Variants in ZNF311 observed in about 807,000 individuals in gnomAD.
ZNF311 encodes the protein zinc finger protein 311, also known as zinc finger protein zfp31.
In ZNF311, 14 loss-of-function variants were observed where a neutral mutation model predicts 22.7. The ratio of observed to expected loss-of-function variants is 0.62; its 90% CI spans 0.41 to 0.96. The LOEUF (loss-of-function observed/expected upper bound fraction) is 0.96, where lower values mean the gene tolerates loss of function less well. Ranked by LOEUF, ZNF311 falls within the 40% of genes least tolerant of loss-of-function variation. The probability of loss-of-function intolerance (pLI) is 0.00; values close to 1 mark genes in which losing one functional copy is unlikely to be tolerated. For synonymous variants in ZNF311, 250 were observed against 275.3 expected, an observed-to-expected ratio of 0.91 and a Z score of 0.91; for missense variants, 731 against 799.0, an observed-to-expected ratio of 0.91 and a Z score of 1.03.
At chr6:29,001,812 T>C (rs1283451789) in intron 3 of ZNF311, among the ~76,000 whole-genome samples, 1 of 152,244 alleles carries the variant, frequency 6.6e-6, no homozygotes, top group African/African-American at 2.4e-5. Flanking sequence ...ATTTTTTGAA[T>C]CATTTCAAAG....
Position 28,996,201 on chromosome 6 carries a change from T to C in ZNF311, c.801A>G (p.Gln267=). ...SWHSDLILHE[Q]IHSGEKPHVC... is the part of the protein sequence containing the mutation. ...CATGGGGTTTCTCACCAGAATGAATTTGCTCATGGAGAATTAGATCTGAGT... is the reference window on the plus strand; with the variant it reads ...CATGGGGTTTCTCACCAGAATGAATCTGCTCATGGAGAATTAGATCTGAGT... The change falls in exon 7 of 7, where the codon CAA becomes CAG. Residue 267 remains glutamine, a synonymous_variant. Transcript: ENST00000377179. 6.2e-7 allele frequency: 1 copy of C among 1,613,486 alleles called. No individual in the cohort carries two copies. Among genetic ancestry groups the C allele is most frequent in the Non-Finnish European group, 8.5e-7 (1 of 1,180,042 alleles).
intron 1 of ZNF311, among the ~76,000 whole-genome samples, chr6:29,004,442 C>CTTTTTTTTTTTTTT: frequency 0.014 from 425 of 30,362 alleles, 22 homozygotes; most frequent in Non-Finnish European, 0.018. Flanking sequence ...TTCCTCCTTT[C>CTTTTTTTTTTTTTT]TTTTTTTTTT....
Position 28,998,808 on chromosome 6 carries a change from G to C in ZNF311, c.341C>G (p.Ser114Cys). The change falls in exon 6 of 7, where the codon TCT (serine) becomes TGT (cysteine). Residue 114 changes from serine (S) to cysteine (C), a missense_variant. By Grantham distance (112) the Ser-to-Cys change is moderately radical. Coordinates refer to ENST00000377179, the MANE Select transcript of ZNF311 (RefSeq NM_001382360.1). Reference sequence around the variant, plus strand: ...GGGGTCTACTTCTCGCTCCAGATGAGAGATTAAAGGAGGTTTAGGAAATGG... The same window carrying C: ...GGGGTCTACTTCTCGCTCCAGATGACAGATTAAAGGAGGTTTAGGAAATGG... ...GFPFPKPPLISHLEREVDPCV... is the reference protein window; with the variant it reads ...GFPFPKPPLICHLEREVDPCV... 6.2e-7 allele frequency: 1 copy of C among 1,612,970 alleles called. No homozygotes were observed. The highest frequency in any genetic ancestry group is 8.5e-7 in the Non-Finnish European group (1 of 1,180,004).
chr6:28,995,823 C>T lies in ZNF311; in HGVS notation c.1179G>A (p.Gly393=), dbSNP rs964294520. The part of the protein sequence containing the change: ...GEKPYECEEC[G]KAFSGSSDLT... Reference sequence around the variant, plus strand: ...GGTCTGAACTCCCACTGAAGGCCTTCCCGCACTCCTCACATTCATATGGCT... The same window carrying T: ...GGTCTGAACTCCCACTGAAGGCCTTTCCGCACTCCTCACATTCATATGGCT... The change falls in exon 7 of 7, where the codon GGG becomes GGA. Residue 393 remains glycine, a synonymous_variant. Coordinates refer to ENST00000377179, the MANE Select transcript of ZNF311 (RefSeq NM_001382360.1). This position sits in a 1 kb window ranked among gnomAD's most constrained non-coding sequence, Gnocchi z 4.7. 7 of 1,613,902 alleles carry T rather than the reference C, an allele frequency of 4.3e-6. No homozygotes were observed. The highest frequency in any genetic ancestry group is 5.9e-6 in the Non-Finnish European group (7 of 1,179,966).
At position 28,994,819 on chromosome 6, in the gene ZNF311, G is replaced by A; in HGVS notation, c.*182C>T. The stretch of plus-strand genomic sequence containing the variant: ...TAAGTGTTTATTAATATTAGGAAGT[G>A]ATTGATAAACTCTTGGAAGTAAATG... On this transcript the variant is annotated 3_prime_UTR_variant, in exon 7 of 7. Transcript: ENST00000377179. 3.1e-6 allele frequency: 2 copies of A among 648,766 alleles called. No homozygotes were observed. Among genetic ancestry groups the A allele is most frequent in the South Asian group, 4.9e-5 (2 of 40,950 alleles). 40.2% of individuals were successfully genotyped at this position (648,766 alleles called of 1,614,324 possible). A position where few individuals can be genotyped will look rare whatever the true frequency, so the allele number is the denominator to read the frequency against.
At chr6:28,998,079 T>G (rs931094962) in intron 6 of ZNF311, among the ~76,000 whole-genome samples, 1 of 151,654 alleles carries the variant, frequency 6.6e-6, no homozygotes, top group Admixed American at 6.6e-5. Flanking sequence ...CTTTCTCACA[T>G]GTTATTCCTT....
chr6:28,995,614 CTTCT>C lies in ZNF311; in HGVS notation c.1384_1387del (p.Arg462GlyfsTer68), dbSNP rs750016747. 6.2e-7 allele frequency: 1 copy of C among 1,613,260 alleles called. No homozygotes were observed. Among genetic ancestry groups the C allele is most frequent in the South Asian group, 1.1e-5 (1 of 91,068 alleles). Reference sequence around the variant, plus strand: ...GTAACGTTTCTCTTCAGTGTGGATCCTTCTGTGTTTGGTGAGTTCTGCCTTGATG... The same window carrying C: ...GTAACGTTTCTCTTCAGTGTGGATCCGTGTTTGGTGAGTTCTGCCTTGATG... On this transcript the variant is annotated frameshift_variant, in exon 7 of 7. Transcript: ENST00000377179. LOFTEE classifies it low-confidence loss of function (END_TRUNC). This position sits in a 1 kb window ranked among gnomAD's most constrained non-coding sequence, Gnocchi z 4.7.
At chr6:28,997,503 CCTCTTT>C (rs1779779144) in intron 6 of ZNF311, among the ~76,000 whole-genome samples, 1 of 152,312 alleles carries the variant, frequency 6.6e-6, no homozygotes, top group Admixed American at 6.5e-5. Context: ...TCTATCTCTT[CCTCTTT>C]ATTTCCACTG....
At position 28,996,031 on chromosome 6, in the gene ZNF311, G is replaced by T; in HGVS notation, c.971C>A (p.Thr324Asn). 1.9e-6 allele frequency: 3 copies of T among 1,613,340 alleles called. No homozygotes were observed. Among genetic ancestry groups the T allele is most frequent in the East Asian group, 2.2e-5 (1 of 44,860 alleles). ...SRSALCRHKK[T>N]HSGEKPHECR... ...CTCGTGAGGCTTCTCCCCACTGTGG[G>T]TTTTTTTATGTCGGCAAAGAGCTGA... Residue 324 changes from threonine (T) to asparagine (N), a missense_variant, in exon 7 of 7, where the codon ACC (threonine) becomes AAC (asparagine). Thr to Asn is a moderately conservative substitution (Grantham distance 65). Coordinates refer to ENST00000377179, the MANE Select transcript of ZNF311 (RefSeq NM_001382360.1).
At chr6:29,004,313 T>C (rs1275632609) in intron 1 of ZNF311, 99 bp from the exon 2 acceptor site, 2 of 745,942 alleles carry the variant, frequency 2.7e-6, no homozygotes, top group African/African-American at 1.8e-5. Flanking sequence ...AATGTGAACA[T>C]ATCCAGAATA....
Position 28,995,568 on chromosome 6 carries a change from T to C in ZNF311, c.1434A>G (p.Lys478=), listed in dbSNP as rs1562316319. The part of the protein sequence containing the change: ...EKRYRCEECG[K]AFRHNCKRRA... Reference sequence around the variant, plus strand: ...TGCGCTTACAGTTATGACGAAAGGCTTTCCCACACTCCTCACACCTGTAAC... The same window carrying C: ...TGCGCTTACAGTTATGACGAAAGGCCTTCCCACACTCCTCACACCTGTAAC... The change falls in exon 7 of 7, where the codon AAA becomes AAG. Residue 478 remains lysine (K), a synonymous_variant. Coordinates refer to ENST00000377179, the MANE Select transcript of ZNF311 (RefSeq NM_001382360.1). The surrounding 1 kb of genome is among the most constrained non-coding windows in gnomAD (Gnocchi z 4.7). 3 of 1,613,772 alleles carry C rather than the reference T, an allele frequency of 1.9e-6. No individual in the cohort carries two copies. The highest frequency in any genetic ancestry group is 2.5e-6 in the Non-Finnish European group (3 of 1,180,014).
chr6:28,999,736 G>T (rs941275069), intron 4 of ZNF311, 123 bp from the exon 5 acceptor site: 2 of 1,404,236 alleles, frequency 1.4e-6, no homozygotes, highest in African/African-American at 2.9e-5. Context: ...CCTTTTGGTG[G>T]GTATGTACAA....
Position 28,996,299 on chromosome 6 carries a change from T to A in ZNF311, c.703A>T (p.Ser235Cys), listed in dbSNP as rs143114492. 6.2e-7 allele frequency: 1 copy of A among 1,612,898 alleles called. No homozygotes were observed. Among genetic ancestry groups the A allele is most frequent in the African/African-American group, 1.3e-5 (1 of 74,928 alleles). Residue 235 changes from serine (S) to cysteine (C), a missense_variant, in exon 7 of 7, where the codon AGT (serine) becomes TGT (cysteine). By Grantham distance (112) the Ser-to-Cys change is moderately radical. Coordinates refer to ENST00000377179, the MANE Select transcript of ZNF311 (RefSeq NM_001382360.1). ...GCTATAAGAACTTTATTACATTGAC[T>A]ATGTTTTGAGTTTGGATTCAAGTTT... is the stretch of plus-strand genomic sequence containing the variant. ...SKNLNPNSKHSQCNKVLIAQK... is the reference protein window; with the variant it reads ...SKNLNPNSKHCQCNKVLIAQK...
intron 6 of ZNF311, among the ~76,000 whole-genome samples, chr6:28,998,497 G>A (rs1406199292): frequency 3.9e-5 from 6 of 152,134 alleles, no homozygotes; most frequent in Non-Finnish European, 1.5e-5. Context: ...CAGCCTCTGA[G>A]CCTTTTTTGA....
chr6:29,004,334 G>A (rs567170022), intron 1 of ZNF311, 120 bp from the exon 2 acceptor site: 21 of 538,210 alleles, frequency 3.9e-5, no homozygotes, highest in African/African-American at 3.2e-4. Flanking sequence ...CAATCTCAAC[G>A]GCTACCACCC....
intron 6 of ZNF311, among the ~76,000 whole-genome samples, chr6:28,997,768 A>C (rs1211786109): frequency 6.6e-6 from 1 of 152,186 alleles, no homozygotes; most frequent in Non-Finnish European, 1.5e-5. Context: ...ACAGTTAATA[A>C]ATCTTAATAC....
chr6:29,002,557 G>A (rs1420614359), intron 3 of ZNF311, among the ~76,000 whole-genome samples: 1 of 151,582 alleles, frequency 6.6e-6, no homozygotes, highest in Non-Finnish European at 1.5e-5. Flanking sequence ...ATGCCTTTCT[G>A]GGTTTGATTT....
Position 28,996,210 on chromosome 6 carries a change from G to A in ZNF311, c.792C>T (p.Leu264=), listed in dbSNP as rs1168353484. The A allele has an allele frequency of 2.5e-6, 4 of 1,613,434 alleles. 1 individual carries two copies. The South Asian group carries it at 3.3e-5, about 13-fold the overall frequency. The change falls in exon 7 of 7, where the codon CTC becomes CTT. Residue 264 remains leucine, a synonymous_variant. Coordinates refer to ENST00000377179, the MANE Select transcript of ZNF311 (RefSeq NM_001382360.1). ...KNFSWHSDLI[L]HEQIHSGEKP... ...TCTCACCAGAATGAATTTGCTCATGGAGAATTAGATCTGAGTGCCAACTGA... is the reference window on the plus strand; with the variant it reads ...TCTCACCAGAATGAATTTGCTCATGAAGAATTAGATCTGAGTGCCAACTGA...
At position 28,999,548 on chromosome 6, in the gene ZNF311, G is replaced by A. The variant is rs759469996; in HGVS notation, c.249C>T (p.Tyr83=). 1.6e-5 allele frequency: 26 copies of A among 1,613,522 alleles called. 1 individual carries two copies. The highest frequency in any genetic ancestry group is 1.6e-4 in the Middle Eastern group (1 of 6,084). ...CATCCTTATAGAGATGCCTTTGAGC[G>A]TAGGTCAGACACTGCCACTCCCTGT... ...FTNREWQCLT[Y]AQRHLYKDVM... is the part of the protein sequence containing the mutation. Residue 83 remains tyrosine (Y), a synonymous_variant, in exon 5 of 7, where the codon TAC becomes TAT. Coordinates refer to ENST00000377179, the MANE Select transcript of ZNF311 (RefSeq NM_001382360.1).
Sources: allele counts gnomAD v4.1 joint callset (sites outside exome capture counted in the v4.1 genomes callset), GRCh38; gene constraint gnomAD v4.1.1; non-coding constraint Gnocchi (gnomAD v3.1); transcripts MANE v1.5; gene names NCBI Gene and HGNC (gene_info 2026-07-23, HGNC 2026-07-21).